The following CLN3 variants were observed in gnomAD, a reference collection of about 807,000 sequenced individuals.
CLN3 encodes CLN3 lysosomal/endosomal transmembrane protein, battenin.
In CLN3, 49 loss-of-function variants were observed where a neutral mutation model predicts 60.7. The observed-to-expected ratio is 0.81, with a 90% CI of 0.64 to 1.02. CLN3 has a LOEUF of 1.02. CLN3 is among the 50% of genes least tolerant of loss of function. The probability of loss-of-function intolerance (pLI) is 0.00; values close to 1 mark genes in which losing one functional copy is unlikely to be tolerated. For synonymous variants in CLN3, 256 were observed against 245.8 expected (o/e 1.04, Z -0.39); for missense variants, 516 against 557.4 (o/e 0.93, Z 0.75).
chr16:28,489,364 AGTT>A lies in CLN3; in HGVS notation c.145_147del (p.Asn49del). The A allele has an allele frequency of 6.2e-7, 1 of 1,612,924 alleles. No individual in the cohort carries two copies. The highest frequency in any genetic ancestry group is 8.5e-7 in the Non-Finnish European group (1 of 1,179,518). On this transcript the variant is annotated inframe_deletion, in exon 4 of 16. Transcript: ENST00000636147. Reference sequence around the variant, plus strand: ...GCACTCAGCATCACCACATAAGAGAAGTTGTTGCAAAGGCCCAGCAGCCTGGAA... The same window carrying A: ...GCACTCAGCATCACCACATAAGAGAAGTTGCAAAGGCCCAGCAGCCTGGAA...
At chr16:28,488,977 T>C (rs775402845) in intron 4 of CLN3, among the ~76,000 whole-genome samples, 1 of 152,124 alleles carries the variant, frequency 6.6e-6, no homozygotes. Context: ...TCTTGGCTCA[T>C]TGCAACTTCC....
At position 28,487,685 on chromosome 16, in the gene CLN3, A is replaced by C; in HGVS notation, c.351T>G (p.Leu117=). The change falls in exon 6 of 16, where the codon CTT becomes CTG. Residue 117 remains leucine, a synonymous_variant. Coordinates refer to ENST00000636147, the MANE Select transcript of CLN3 (RefSeq NM_001042432.2). ...ACCTGTAGGGCAGCAGGTGAAGGCC[A>C]AGAGGAGCCAACAATTTGATGACGA... ...PTLVIKLLAP[L]GLHLLPYSPR... The C allele has an allele frequency of 6.2e-7, 1 of 1,614,008 alleles. No individual in the cohort carries two copies. Among genetic ancestry groups the C allele is most frequent in the African/African-American group, 1.3e-5 (1 of 75,044 alleles).
chr16:28,475,663 C>G (rs1266094214), downstream of CLN3: 1 of 152,110 alleles, frequency 6.6e-6, no homozygotes, highest in East Asian at 1.9e-4. Context: ...ATTTTAAACT[C>G]CAATAGTTAC....
downstream of CLN3, among the ~76,000 whole-genome samples, chr16:28,471,905 C>T (rs1339763903): frequency 6.6e-6 from 1 of 152,148 alleles, no homozygotes; most frequent in Admixed American, 6.6e-5. Flanking sequence ...TGGCACCTGC[C>T]TGTAGTCCCA....
At chr16:28,481,444 A>ACACACACG (rs2046091758) in intron 14 of CLN3, among the ~76,000 whole-genome samples, 3 of 134,744 alleles carry the variant, frequency 2.2e-5, no homozygotes, top group African/African-American at 8.3e-5. Flanking sequence ...ACACACACAC[A>ACACACACG]CACACACACG....
rs772592195 is a variant in CLN3 at position 28,488,590 on chromosome 16, C to T, written c.294+1G>A. ...AAGGACCAGGTGAGATGAGTACGCA[C>T]AGCCGTAGAGACAGAGTTGCAGTCA... On this transcript the variant is annotated splice_donor_variant, in intron 5 of 15. Coordinates refer to ENST00000636147, the MANE Select transcript of CLN3 (RefSeq NM_001042432.2). LOFTEE classifies it high-confidence loss of function. 6.2e-7 allele frequency: 1 copy of T among 1,614,108 alleles called. No homozygotes were observed. Among genetic ancestry groups the T allele is most frequent in the Non-Finnish European group, 8.5e-7 (1 of 1,179,976 alleles).
Position 28,489,308 on chromosome 16 carries a change from T to G in CLN3, c.204A>C (p.Thr68=), listed in dbSNP as rs1001999703. 1.2e-6 allele frequency: 2 copies of G among 1,613,234 alleles called. No individual in the cohort carries two copies. The highest frequency in any genetic ancestry group is 1.7e-6 in the Non-Finnish European group (2 of 1,179,632). The part of the protein sequence containing the change: ...AAHDILSHKR[T]SGNQSHVDPG... The stretch of plus-strand genomic sequence containing the variant: ...CACTTACATGGCTCTGGTTTCCCGA[T>G]GTCCTCTTGTGGCTAAGGATGTCGT... The change falls in exon 4 of 16, where the codon ACA becomes ACC. Residue 68 remains threonine (T), a synonymous_variant. Coordinates refer to ENST00000636147, the MANE Select transcript of CLN3 (RefSeq NM_001042432.2).
At chr16:28,481,297 T>C (rs781125867) in intron 14 of CLN3, among the ~76,000 whole-genome samples, 27 of 151,838 alleles carry the variant, frequency 1.8e-4, no homozygotes, top group Non-Finnish European at 3.5e-4. Context: ...GATGTGATTG[T>C]GCCATGTTGC....
At position 28,477,554 on chromosome 16, in the gene CLN3, C is replaced by T. The variant is rs1881832119; in HGVS notation, c.1279G>A (p.Ala427Thr). Residue 427 changes from alanine (A) to threonine (T), a missense_variant, in exon 16 of 16, where the codon GCT becomes ACT. Coordinates refer to ENST00000636147, the MANE Select transcript of CLN3 (RefSeq NM_001042432.2). Reference sequence around the variant, plus strand: ...CAGAGGAAGTCATGCAGAGGCAAAGCCAGGAGCCCCGACAGGGAGATCCCC... The same window carrying T: ...CAGAGGAAGTCATGCAGAGGCAAAGTCAGGAGCCCCGACAGGGAGATCCCC... ...TLGISLSGLLALPLHDFLCQL... is the reference protein window; with the variant it reads ...TLGISLSGLLTLPLHDFLCQL... The T allele has an allele frequency of 6.2e-7, 1 of 1,613,852 alleles. No individual in the cohort carries two copies. The highest frequency in any genetic ancestry group is 8.5e-7 in the Non-Finnish European group (1 of 1,180,028).
chr16:28,477,684 C>A, intron 15 of CLN3, 49 bp from the exon 16 acceptor site: 1 of 1,614,050 alleles, frequency 6.2e-7, no homozygotes, highest in Non-Finnish European at 8.5e-7. Context: ...GACATCCCTG[C>A]CCTGGGTGTC....
intron 13 of CLN3, 24 bp downstream of exon 13, chr16:28,482,303 G>T: frequency 1.2e-6 from 2 of 1,612,244 alleles, no homozygotes; most frequent in Non-Finnish European, 1.7e-6. Flanking sequence ...CGCCCTCCCA[G>T]CCCACTGCCC....
At chr16:28,486,685 A>C in intron 7 of CLN3, 35 bp from the exon 8 acceptor site, 1 of 1,566,892 alleles carries the variant, frequency 6.4e-7, no homozygotes, top group South Asian at 1.2e-5. Flanking sequence ...TGGTCACACC[A>C]CACCTTGCCA....
rs553570771 is a variant in CLN3 at position 28,489,397 on chromosome 16, C to G, written c.126-11G>C. The G allele has an allele frequency of 3.8e-6, 6 of 1,594,748 alleles. No homozygotes were observed. In the South Asian group the frequency reaches 6.7e-5, roughly 18 times the overall value. On this transcript the variant is annotated splice_polypyrimidine_tract_variant and intron_variant, in intron 3 of 15. Coordinates refer to ENST00000636147, the MANE Select transcript of CLN3 (RefSeq NM_001042432.2). ...CAAAGGCCCAGCAGCCTGGAAGGAGCAGGACAGGTCTCAACTCCCTCCTCA... is the reference window on the plus strand; with the variant it reads ...CAAAGGCCCAGCAGCCTGGAAGGAGGAGGACAGGTCTCAACTCCCTCCTCA...
chr16:28,472,800 CAAA>C (rs34795595), downstream of CLN3, among the ~76,000 whole-genome samples: 9 of 85,038 alleles, frequency 1.1e-4, no homozygotes, highest in South Asian at 4.9e-4. Context: ...AACTCTGTTT[CAAA>C]AAAAAAAAAA....
At chr16:28,490,208 G>A (rs556078344) in intron 3 of CLN3, 1 of 150,300 alleles carries the variant, frequency 6.7e-6, no homozygotes, top group Admixed American at 6.7e-5. Flanking sequence ...TTTGGGAAGT[G>A]GAGGCAAGCG....
chr16:28,483,953 G>A, intron 10 of CLN3, 53 bp downstream of exon 10: 1 of 1,367,972 alleles, frequency 7.3e-7, no homozygotes, highest in South Asian at 1.2e-5. Flanking sequence ...GAGAGGAAAA[G>A]GCCAAACCCA....
In CLN3 at chr16:28,491,375, T is replaced by C. The variant is rs2046310369; in HGVS notation, c.125+107A>G. 4.1e-6 allele frequency: 6 copies of C among 1,455,554 alleles called. No individual in the cohort carries two copies. In the African/African-American group the frequency reaches 4.2e-5, roughly 10 times the overall value. The allele number at this position is 1,455,554 out of a possible 1,614,324, so 90.2% of individuals were successfully genotyped here. ...GCAAACCAGTGGATTCAGTAAATATTTGTGGGTTCAGCTCCTTTGCGCAGC... is the reference window on the plus strand; with the variant it reads ...GCAAACCAGTGGATTCAGTAAATATCTGTGGGTTCAGCTCCTTTGCGCAGC... On this transcript the variant is annotated intron_variant, in intron 3 of 15. Transcript: ENST00000636147.
chr16:28,473,708 T>C (rs904272291), downstream of CLN3, among the ~76,000 whole-genome samples: 4 of 152,202 alleles, frequency 2.6e-5, no homozygotes, highest in African/African-American at 7.2e-5. Flanking sequence ...GTCTAGAATA[T>C]ATGAAGAAAT....
chr16:28,477,827 T>C lies in CLN3; in HGVS notation c.1107A>G (p.Pro369=). ...LLADVWFGFL[P]SIYLVFLIIL... ...TGATCAGGAAGACGAGGTAGATGCT[T>C]GGCAGAAAGCCGAACCACACGTCTG... is the stretch of plus-strand genomic sequence containing the variant. Residue 369 remains proline, a synonymous_variant, in exon 15 of 16, where the codon CCA becomes CCG. Transcript: ENST00000636147. 6.2e-7 allele frequency: 1 copy of C among 1,614,140 alleles called. No individual in the cohort carries two copies. Among genetic ancestry groups the C allele is most frequent in the Non-Finnish European group, 8.5e-7 (1 of 1,180,034 alleles).
Sources: allele counts gnomAD v4.1 joint callset (sites outside exome capture counted in the v4.1 genomes callset), GRCh38; gene constraint gnomAD v4.1.1; transcripts MANE v1.5; gene names NCBI Gene and HGNC (gene_info 2026-07-23, HGNC 2026-07-21).